The following ACTR3B variants were observed in gnomAD, a reference collection of about 807,000 sequenced individuals.
ACTR3B encodes actin related protein 3B, also known as actin-related protein 3B.
In ACTR3B, 8 loss-of-function variants were observed where a neutral mutation model predicts 59.0. The ratio of observed to expected loss-of-function variants is 0.14; its 90% CI spans 0.08 to 0.24. The LOEUF is 0.24. Among genes scored for constraint, ACTR3B ranks in the 10% least tolerant of loss-of-function variants. The pLI, the probability that ACTR3B is intolerant of heterozygous loss-of-function variation, is 1.00. For missense variants in ACTR3B, 245 were observed against 552.3 expected (o/e 0.44, Z 5.58); for synonymous variants, 148 against 197.9 (o/e 0.75, Z 2.12).
chr7:152,849,145 A>G (rs762545677), intron 9 of ACTR3B, among the ~76,000 whole-genome samples: 1 of 152,228 alleles, frequency 6.6e-6, no homozygotes, highest in Non-Finnish European at 1.5e-5. Flanking sequence ...AGTACATAGC[A>G]GTGAAACCCC....
intron 9 of ACTR3B, among the ~76,000 whole-genome samples, chr7:152,844,644 T>G (rs190570141): frequency 0.068 from 10,351 of 151,686 alleles, 383 homozygotes; most frequent in Non-Finnish European, 0.088. Flanking sequence ...GAAATCCAGC[T>G]CTCAGTTTGG....
At chr7:152,819,080 G>A (rs562670793) in intron 6 of ACTR3B, among the ~76,000 whole-genome samples, 24 of 152,302 alleles carry the variant, frequency 1.6e-4, no homozygotes, top group African/African-American at 5.8e-4. Context: ...AATAGTTTAT[G>A]TATTAGAAAG....
chr7:152,765,438 G>T, intron 1 of ACTR3B, among the ~76,000 whole-genome samples: 3 of 140,434 alleles, frequency 2.1e-5, no homozygotes, highest in African/African-American at 5.3e-5. Flanking sequence ...TTTTTAAATA[G>T]TCATTCCACA....
At chr7:152,830,954 G>A (rs192348661) in intron 9 of ACTR3B, among the ~76,000 whole-genome samples, 1 of 152,142 alleles carries the variant, frequency 6.6e-6, no homozygotes, top group South Asian at 2.1e-4. Context: ...TTTTCAAATA[G>A]GTCTTTTATT....
At chr7:152,803,615 G>A (rs1405280835) in intron 4 of ACTR3B, among the ~76,000 whole-genome samples, 3 of 152,000 alleles carry the variant, frequency 2.0e-5, no homozygotes, top group African/African-American at 7.3e-5. Flanking sequence ...GAGCAAATAT[G>A]GACCACCACA....
intron 4 of ACTR3B, chr7:152,814,093 C>T: frequency 2.1e-5 from 2 of 93,572 alleles, no homozygotes; most frequent in Non-Finnish European, 4.0e-5. Context: ...TGCTCTGCCA[C>T]CCTGTGGCTC....
intron 9 of ACTR3B, among the ~76,000 whole-genome samples, chr7:152,837,268 T>G (rs187249966): frequency 6.6e-6 from 1 of 152,266 alleles, no homozygotes; most frequent in Non-Finnish European, 1.5e-5. Context: ...GAGTAAGCAC[T>G]GTTGCTTTAC....
At chr7:152,826,963 A>G (rs1217487208) in intron 9 of ACTR3B, among the ~76,000 whole-genome samples, 2 of 152,014 alleles carry the variant, frequency 1.3e-5, no homozygotes, top group Non-Finnish European at 2.9e-5. Context: ...TGCTTTTCCC[A>G]CTGTATCACA....
chr7:152,773,886 A>G (rs2098130119), intron 1 of ACTR3B, among the ~76,000 whole-genome samples: 1 of 152,048 alleles, frequency 6.6e-6, no homozygotes, highest in South Asian at 2.1e-4. Context: ...TGGCCTGAGT[A>G]TTTTGGGCTG....
At chr7:152,804,869 T>C (rs1018484537) in intron 4 of ACTR3B, among the ~76,000 whole-genome samples, 16 of 152,106 alleles carry the variant, frequency 1.1e-4, no homozygotes, top group African/African-American at 3.6e-4. Flanking sequence ...TCCCAGTATG[T>C]TGAAGCTGAG....
chr7:152,794,826 T>G (rs1326902330), intron 2 of ACTR3B, among the ~76,000 whole-genome samples: 1 of 152,172 alleles, frequency 6.6e-6, no homozygotes, highest in Admixed American at 6.5e-5. Context: ...AGCCCGTGTT[T>G]CCACTTCACT....
chr7:152,828,465 G>C (rs953014112), intron 9 of ACTR3B, among the ~76,000 whole-genome samples: 15 of 152,136 alleles, frequency 9.9e-5, no homozygotes, highest in Non-Finnish European at 2.1e-4. Context: ...TCCCTGCTAC[G>C]CTCCCTTCTG....
intron 7 of ACTR3B, among the ~76,000 whole-genome samples, chr7:152,821,013 C>A (rs1037325799): frequency 6.6e-6 from 1 of 152,158 alleles, no homozygotes; most frequent in Admixed American, 6.5e-5. Flanking sequence ...AAAGGAAGCA[C>A]CAGAGATGAT....
intron 1 of ACTR3B, among the ~76,000 whole-genome samples, chr7:152,775,783 A>G (rs2098135036): frequency 1.3e-5 from 2 of 152,120 alleles, no homozygotes; most frequent in South Asian, 4.1e-4. Context: ...ATTGGGGGCA[A>G]ATAATAATAT....
intron 10 of ACTR3B, among the ~76,000 whole-genome samples, chr7:152,852,787 T>G (rs1423846236): frequency 6.6e-6 from 1 of 152,054 alleles, no homozygotes; most frequent in Non-Finnish European, 1.5e-5. Context: ...GCACAGTTTC[T>G]TTTCTTTTTT....
At chr7:152,794,934 G>A (rs537039451) in intron 2 of ACTR3B, among the ~76,000 whole-genome samples, 1 of 152,280 alleles carries the variant, frequency 6.6e-6, no homozygotes, top group East Asian at 1.9e-4. Flanking sequence ...AATGAGAAAA[G>A]GAGGTGGGGA....
intron 1 of ACTR3B, among the ~76,000 whole-genome samples, chr7:152,774,528 A>G (rs2098131969): frequency 6.6e-6 from 1 of 151,984 alleles, no homozygotes; most frequent in Non-Finnish European, 1.5e-5. Flanking sequence ...AAATTAGATA[A>G]TATGTTTAGT....
At chr7:152,842,757 G>C (rs543518298) in intron 9 of ACTR3B, among the ~76,000 whole-genome samples, 4 of 152,310 alleles carry the variant, frequency 2.6e-5, no homozygotes, top group South Asian at 4.1e-4. Context: ...AATGTACTGA[G>C]TGTCTGCTGG....
Position 152,824,652 on chromosome 7 carries a change from C to G in ACTR3B, c.859-378C>G, listed in dbSNP as rs181437682. 7.8e-4 allele frequency among the ~76,000 whole-genome samples: 119 copies of G among 152,300 alleles called. No individual in the cohort carries two copies. The highest frequency in any genetic ancestry group is 2.6e-4 in the Non-Finnish European group (18 of 68,038). On this transcript the variant is annotated intron_variant, in intron 8 of 11. Coordinates refer to ENST00000256001, the MANE Select transcript of ACTR3B (RefSeq NM_020445.6). This position sits in a 1 kb window ranked among gnomAD's most constrained non-coding sequence, Gnocchi z 4.2. ...CTTTTTCCTTATATACTAATTTTCT[C>G]ATAATACGAATATTGTCAAATGATA...
Sources: gnomAD v4.1 joint callset for allele counts (sites outside exome capture counted in the v4.1 genomes callset) on GRCh38, gnomAD v4.1.1 for gene constraint, Gnocchi (gnomAD v3.1) non-coding constraint, MANE v1.5 for transcripts, NCBI Gene and HGNC (gene_info 2026-07-23, HGNC 2026-07-21) for gene names.